CHD7: variants seen among roughly 807,000 people sequenced by gnomAD.
CHD7 encodes chromodomain helicase DNA binding protein 7, also known as ATP-dependent chromatin remodeler CHD7.
CHD7 carries 24 observed loss-of-function variants against 307.3 expected under a neutral mutation model. That is an observed-to-expected ratio of 0.08 (90% CI 0.06 to 0.11). The LOEUF is 0.11. Ranked by LOEUF, CHD7 falls within the 10% of genes least tolerant of loss-of-function variation. The pLI, the probability that CHD7 is intolerant of heterozygous loss-of-function variation, is 1.00. For synonymous variants in CHD7, 1,363 were observed against 1,349.9 expected (o/e 1.01, Z -0.21); for missense variants, 3,106 against 3,727.1 (o/e 0.83, Z 4.34).
intron 1 of CHD7, among the ~76,000 whole-genome samples, chr8:60,708,313 T>A (rs1307661008): frequency 6.6e-6 from 1 of 152,232 alleles, no homozygotes. Context: ...CATCTCTGAC[T>A]TTCTCTCCTG....
chr8:60,865,683 G>T lies in CHD7; in HGVS notation c.8744G>T (p.Gly2915Val), dbSNP rs775900929. The change falls in exon 38 of 38, where the codon GGA (glycine) becomes GTA (valine). Residue 2915 changes from glycine (G) to valine (V), a missense_variant. Transcript: ENST00000423902. The surrounding 1 kb of genome is among the most constrained non-coding windows in gnomAD (Gnocchi z 4.3). ...ATGTTTCTACCTCCAGGACTGGGGG[G>T]ATTGACGCTGCCTGGGTTCCCAGCA... is the stretch of plus-strand genomic sequence containing the variant. ...PSMFLPPGLG[G>V]LTLPGFPALA... is the part of the protein sequence containing the mutation. 3.1e-6 allele frequency: 5 copies of T among 1,605,888 alleles called. No homozygotes were observed. The highest frequency in any genetic ancestry group is 3.4e-6 in the Non-Finnish European group (4 of 1,174,528).
intron 14 of CHD7, 26 bp downstream of exon 14, chr8:60,828,832 T>G (rs534680576): frequency 1.2e-6 from 2 of 1,602,186 alleles, no homozygotes; most frequent in East Asian, 2.2e-5. Flanking sequence ...ACTTTGTATT[T>G]CAGTTATAAA....
In CHD7 at chr8:60,849,097, G is replaced by A; in HGVS notation, c.5347G>A (p.Ala1783Thr). The part of the protein sequence containing the change: ...IPEPFHAEVP[A>T]DWWDKEADKS... Reference sequence around the variant, plus strand: ...TGAACCTTTCCATGCTGAAGTTCCTGCAGATTGGTGGGATAAGGAAGCAGA... The same window carrying A: ...TGAACCTTTCCATGCTGAAGTTCCTACAGATTGGTGGGATAAGGAAGCAGA... Residue 1783 changes from alanine (A) to threonine (T), a missense_variant, in exon 25 of 38, where the codon GCA becomes ACA. This residue lies in a region of CHD7 where 1,030 missense variants were observed against 1,165.4 expected (regional missense o/e 0.88). Transcript: ENST00000423902. 2.5e-6 allele frequency: 4 copies of A among 1,613,690 alleles called. No individual in the cohort carries two copies. In the East Asian group the frequency reaches 8.9e-5, roughly 36 times the overall value.
At chr8:60,849,260 C>A in intron 25 of CHD7, 106 bp downstream of exon 25, 1 of 656,302 alleles carries the variant, frequency 1.5e-6, no homozygotes, top group South Asian at 2.5e-5. Context: ...GAGGATAGTT[C>A]CAAAGGACTC....
At position 60,769,219 on chromosome 8, in the gene CHD7, G is replaced by A. The variant is rs1225762820; in HGVS notation, c.1666-11781G>A. ...TAAGGCCAGGCTAAATCACACAGCC[G>A]TTTAAACTGAAACAGCTCAGTTCAG... is the stretch of plus-strand genomic sequence containing the variant. On this transcript the variant is annotated intron_variant, in intron 2 of 37. Transcript: ENST00000423902. 2.0e-5 allele frequency among the ~76,000 whole-genome samples: 3 copies of A among 152,176 alleles called. No individual in the cohort carries two copies. In the East Asian group the frequency reaches 5.8e-4, roughly 29 times the overall value.
At chr8:60,707,116 A>G (rs1254077105) in intron 1 of CHD7, among the ~76,000 whole-genome samples, 4 of 152,238 alleles carry the variant, frequency 2.6e-5, no homozygotes, top group Admixed American at 2.6e-4. Context: ...ACATAAAATG[A>G]CACTATTAAG....
intron 25 of CHD7, 114 bp from the exon 26 acceptor site, chr8:60,850,379 A>T (rs1475899022): frequency 3.1e-6 from 4 of 1,301,654 alleles, no homozygotes; most frequent in Non-Finnish European, 3.1e-6. Context: ...TTCAACAGAG[A>T]TGCTAACCTT....
At chr8:60,858,912 A>T (rs1024310981) in intron 34 of CHD7, among the ~76,000 whole-genome samples, 2 of 152,230 alleles carry the variant, frequency 1.3e-5, no homozygotes, top group Admixed American at 6.5e-5. Context: ...TATTTGGATC[A>T]CGACACAGCT....
chr8:60,689,290 C>G (rs1742786712), intron 1 of CHD7, among the ~76,000 whole-genome samples: 1 of 152,192 alleles, frequency 6.6e-6, no homozygotes, highest in South Asian at 2.1e-4. Flanking sequence ...AGAACAGTAG[C>G]TCCAAGGGGT....
chr8:60,731,545 G>C (rs1808457617), intron 1 of CHD7, among the ~76,000 whole-genome samples: 1 of 152,158 alleles, frequency 6.6e-6, no homozygotes, highest in African/African-American at 2.4e-5. Flanking sequence ...GGGGACTACT[G>C]CATAGAAAAA....
chr8:60,857,473 C>A (rs1374748545), intron 34 of CHD7, among the ~76,000 whole-genome samples: 1 of 152,224 alleles, frequency 6.6e-6, no homozygotes, highest in Admixed American at 6.5e-5. Context: ...TAATCTGCTT[C>A]AACTACATCT....
At chr8:60,857,440 A>G (rs549297492) in intron 34 of CHD7, among the ~76,000 whole-genome samples, 21 of 152,254 alleles carry the variant, frequency 1.4e-4, no homozygotes, top group Non-Finnish European at 2.2e-4. Flanking sequence ...TTAATGCAGT[A>G]TAATCAAAAT....
Position 60,854,529 on chromosome 8 carries a change from C to A in CHD7, c.6936+6C>A. The A allele has an allele frequency of 3.2e-6, 5 of 1,581,732 alleles. No individual in the cohort carries two copies. The highest frequency in any genetic ancestry group is 4.3e-6 in the Non-Finnish European group (5 of 1,158,280). Reference sequence around the variant, plus strand: ...CCTTCTCGTTTTGGCCTAAGGTTGGCAGGTTTTTGTTGCTGTTGTTTTGCT... The same window carrying A: ...CCTTCTCGTTTTGGCCTAAGGTTGGAAGGTTTTTGTTGCTGTTGTTTTGCT... On this transcript the variant is annotated splice_donor_region_variant and intron_variant, in intron 32 of 37. Coordinates refer to ENST00000423902, the MANE Select transcript of CHD7 (RefSeq NM_017780.4).
intron 6 of CHD7, among the ~76,000 whole-genome samples, chr8:60,806,972 C>T (rs1176583495): frequency 1.3e-5 from 2 of 152,096 alleles, no homozygotes; most frequent in Non-Finnish European, 2.9e-5. Flanking sequence ...TTGCAGTGAG[C>T]CATGTTTGCA....
At chr8:60,831,159 G>A (rs1267488982) in intron 15 of CHD7, among the ~76,000 whole-genome samples, 1 of 152,092 alleles carries the variant, frequency 6.6e-6, no homozygotes. Flanking sequence ...TGTATTTTTG[G>A]AAATCATTAA....
chr8:60,862,457 A>T (rs1221999041), intron 36 of CHD7, 91 bp from the exon 37 acceptor site: 5 of 1,458,780 alleles, frequency 3.4e-6, no homozygotes, highest in Non-Finnish European at 4.7e-6. Flanking sequence ...GTGTGCGTGT[A>T]TGTGTGTATT....
intron 1 of CHD7, among the ~76,000 whole-genome samples, chr8:60,684,659 G>A (rs1458415248): frequency 1.3e-5 from 2 of 152,162 alleles, no homozygotes; most frequent in Non-Finnish European, 2.9e-5. Context: ...TGTGTTTGAG[G>A]CATTCAACTG....
intron 2 of CHD7, among the ~76,000 whole-genome samples, chr8:60,749,275 GC>G (rs1809504628): frequency 6.7e-6 from 1 of 148,926 alleles, no homozygotes; most frequent in South Asian, 2.1e-4. Flanking sequence ...GGAGGCTGAA[GC>G]AGGAGAATCG....
intron 1 of CHD7, among the ~76,000 whole-genome samples, chr8:60,696,872 G>T (rs1806505835): frequency 6.7e-6 from 1 of 148,194 alleles, no homozygotes; most frequent in Non-Finnish European, 1.5e-5. Context: ...TAGATTGCTT[G>T]GCAGTTTTGG....
Sources: gnomAD v4.1 joint callset for allele counts (sites outside exome capture counted in the v4.1 genomes callset) on GRCh38, gnomAD v4.1.1 for gene constraint, gnomAD v4.1.1 regional missense constraint, Gnocchi (gnomAD v3.1) non-coding constraint, MANE v1.5 for transcripts, NCBI Gene and HGNC (gene_info 2026-07-23, HGNC 2026-07-21) for gene names.